The following CCDC73 variants were observed in gnomAD, a reference collection of about 807,000 sequenced individuals.
CCDC73 encodes coiled-coil domain containing 73.
In CCDC73, 95 loss-of-function variants were observed where a neutral mutation model predicts 116.5. The observed-to-expected ratio is 0.82, with a 90% CI of 0.69 to 0.97. The LOEUF (loss-of-function observed/expected upper bound fraction) is 0.97, where lower values mean the gene tolerates loss of function less well. CCDC73 is among the 50% of genes least tolerant of loss of function. The pLI, the probability that CCDC73 is intolerant of heterozygous loss-of-function variation, is 0.00. For synonymous variants in CCDC73, 398 were observed against 401.3 expected, an observed-to-expected ratio of 0.99 and a Z score of 0.10; for missense variants, 1,066 against 1,206.8, an observed-to-expected ratio of 0.88 and a Z score of 1.73.
At chr11:32,778,991 A>G (rs545666329) in intron 1 of CCDC73, among the ~76,000 whole-genome samples, 53 of 152,286 alleles carry the variant, frequency 3.5e-4, no homozygotes, top group Admixed American at 8.5e-4. Flanking sequence ...AATCAATCCT[A>G]TGGTCTTAAG....
rs1158165290 is a variant in CCDC73, at chr11:32,722,970, T to A, written c.136-4823A>T. Among the ~76,000 whole-genome samples the A allele has an allele frequency of 2.0e-5, 3 of 152,174 alleles. No homozygotes were observed. In the East Asian group the frequency reaches 5.8e-4, roughly 29 times the overall value. On this transcript the variant is annotated intron_variant, in intron 2 of 17. Transcript: ENST00000335185. ...GGCAGAGCCAGTACTCAAACTCAGA[T>A]CATCTGTCTCCAAAGTCTCTTAAAT...
At chr11:32,767,266 ATAT>A (rs1341521285) in intron 1 of CCDC73, among the ~76,000 whole-genome samples, 1 of 152,248 alleles carries the variant, frequency 6.6e-6, no homozygotes, top group Non-Finnish European at 1.5e-5. Flanking sequence ...CTGGCTAGCC[ATAT>A]GTAGAAAACT....
the CCDC73 span, among the ~76,000 whole-genome samples, chr11:32,815,919 T>C: frequency 6.6e-6 from 1 of 152,208 alleles, no homozygotes. Flanking sequence ...AAACTTCTTC[T>C]GGAGTGGGGT....
intron 17 of CCDC73, among the ~76,000 whole-genome samples, chr11:32,608,773 C>T (rs1855386520): frequency 6.6e-6 from 1 of 152,226 alleles, no homozygotes. Context: ...CAGGCATTTC[C>T]ATACATCCTT....
intron 1 of CCDC73, among the ~76,000 whole-genome samples, chr11:32,792,165 CA>C (rs1850682483): frequency 6.6e-6 from 1 of 151,960 alleles, no homozygotes; most frequent in African/African-American, 2.4e-5. Context: ...TTAATAAGCA[CA>C]GCACAAAAAA....
chr11:32,826,646 C>CAAAAAAAAAAA, the CCDC73 span, among the ~76,000 whole-genome samples: 2 of 63,512 alleles, frequency 3.1e-5, no homozygotes, highest in Non-Finnish European at 6.3e-5. Flanking sequence ...GATAATAACT[C>CAAAAAAAAAAA]AAAAAAAAAA....
chr11:32,709,949 G>A (rs1849885220), intron 3 of CCDC73, among the ~76,000 whole-genome samples: 1 of 152,116 alleles, frequency 6.6e-6, no homozygotes, highest in Non-Finnish European at 1.5e-5. Flanking sequence ...TATATTTCCA[G>A]GAATTTATCC....
rs543992981 is a variant in CCDC73 at position 32,621,870 on chromosome 11, AAAG to A, written c.1186-5744_1186-5742del. On this transcript the variant is annotated intron_variant, in intron 14 of 17. Transcript: ENST00000335185. ...AAAGGATATGAACAGACACTTCTCA[AAAG>A]AAGACATTTACAGGGCCAATGAACA... is the stretch of plus-strand genomic sequence containing the variant. Among the ~76,000 whole-genome samples, 27 of 152,370 alleles carry A rather than the reference AAAG, an allele frequency of 1.8e-4. No individual in the cohort carries two copies. In the East Asian group the frequency reaches 5.2e-3, roughly 29 times the overall value.
intron 1 of CCDC73, among the ~76,000 whole-genome samples, chr11:32,768,109 T>A (rs1212629191): frequency 6.6e-6 from 1 of 152,204 alleles, no homozygotes. Flanking sequence ...TAAGAAAATG[T>A]GGCACATATA....
intron 2 of CCDC73, among the ~76,000 whole-genome samples, chr11:32,738,967 T>C (rs941373736): frequency 6.6e-6 from 1 of 152,180 alleles, no homozygotes; most frequent in African/African-American, 2.4e-5. Flanking sequence ...CCTCAATGTA[T>C]GTTCTTGGCA....
chr11:32,624,987 C>G (rs1360984392), intron 14 of CCDC73, among the ~76,000 whole-genome samples: 2 of 152,214 alleles, frequency 1.3e-5, no homozygotes, highest in Non-Finnish European at 2.9e-5. Flanking sequence ...ACAATGAGAA[C>G]AGTTGGATAC....
At chr11:32,653,083 C>G in intron 12 of CCDC73, 40 bp downstream of exon 12, 1 of 1,196,710 alleles carries the variant, frequency 8.4e-7, no homozygotes. Context: ...TATACTAAAA[C>G]ACAGATAGAT....
At chr11:32,704,436 C>T (rs1204968317) in intron 3 of CCDC73, among the ~76,000 whole-genome samples, 2 of 152,246 alleles carry the variant, frequency 1.3e-5, no homozygotes, top group Non-Finnish European at 2.9e-5. Flanking sequence ...CCCTGGCTGC[C>T]TTGGCCCCCT....
At chr11:32,799,792 C>T in the CCDC73 span, among the ~76,000 whole-genome samples, 2 of 152,144 alleles carry the variant, frequency 1.3e-5, no homozygotes, top group Non-Finnish European at 2.9e-5. Context: ...CAAAGAATAA[C>T]TTATATGCAC....
chr11:32,709,067 G>C (rs1345382729), intron 3 of CCDC73, among the ~76,000 whole-genome samples: 2 of 152,010 alleles, frequency 1.3e-5, no homozygotes, highest in African/African-American at 4.8e-5. Flanking sequence ...ATTACCTTAA[G>C]GTATGTCCCT....
rs1342472847 is a variant in CCDC73 at position 32,614,723 on chromosome 11, T to A, written c.1595A>T (p.Lys532Ile). 9 of 1,612,308 alleles carry A rather than the reference T, an allele frequency of 5.6e-6. No individual in the cohort carries two copies. The highest frequency in any genetic ancestry group is 7.6e-6 in the Non-Finnish European group (9 of 1,178,796). ...CACTACAAAATGATTATTTGGTGAT[T>A]TAAATTCTGTACATCCATTGTCTTT... ...LEKDNGCTEF[K>I]SPNNHFVVLD... The change falls in exon 16 of 18, where the codon AAA (lysine) becomes ATA (isoleucine). Residue 532 changes from lysine (K) to isoleucine (I), a missense_variant. Lys to Ile is a moderately radical substitution (Grantham distance 102). Coordinates refer to ENST00000335185, the MANE Select transcript of CCDC73 (RefSeq NM_001008391.4).
intron 12 of CCDC73, among the ~76,000 whole-genome samples, chr11:32,652,307 C>CAA (rs71463364): frequency 8.5e-6 from 1 of 117,034 alleles, no homozygotes; most frequent in Non-Finnish European, 1.9e-5. Flanking sequence ...CCATCTCAAA[C>CAA]AAAAAAAAAA....
At chr11:32,683,610 C>T (rs1434677363) in intron 6 of CCDC73, 36 bp from the exon 7 acceptor site, 3 of 1,202,754 alleles carry the variant, frequency 2.5e-6, no homozygotes, top group Non-Finnish European at 3.6e-6. Context: ...CATTAAAATA[C>T]TTTAATTATC....
intron 17 of CCDC73, among the ~76,000 whole-genome samples, chr11:32,609,620 C>A (rs1855394823): frequency 6.6e-6 from 1 of 152,128 alleles, no homozygotes; most frequent in South Asian, 2.1e-4. Context: ...TTTCGGGTAT[C>A]TTTTCAGCAA....
Sources: allele counts gnomAD v4.1 joint callset (sites outside exome capture counted in the v4.1 genomes callset), GRCh38; gene constraint gnomAD v4.1.1; transcripts MANE v1.5; gene names NCBI Gene and HGNC (gene_info 2026-07-23, HGNC 2026-07-21).